RNF144A: variants seen among roughly 807,000 people sequenced by gnomAD.
The protein encoded by RNF144A is ring finger protein 144A, also known as E3 ubiquitin-protein ligase RNF144A.
Under a neutral mutation model 38.7 loss-of-function variants are expected in RNF144A, and 11 were observed. The ratio of observed to expected loss-of-function variants is 0.28; its 90% CI spans 0.18 to 0.47. RNF144A has a LOEUF of 0.47. Ranked by LOEUF, RNF144A falls within the 20% of genes least tolerant of loss-of-function variation. The pLI is 0.99. For missense variants in RNF144A, 316 were observed against 377.2 expected (o/e 0.84, Z 1.34); for synonymous variants, 149 against 143.9 (o/e 1.04, Z -0.25).
At chr2:7,030,402 A>G (rs1048762499) in intron 8 of RNF144A, among the ~76,000 whole-genome samples, 187 bp downstream of exon 8, 1 of 152,046 alleles carries the variant, frequency 6.6e-6, no homozygotes, top group Non-Finnish European at 1.5e-5. Context: ...TTTTGCTGGT[A>G]TAGGCTTATC....
rs71402824 is a variant in RNF144A at position 6,936,844 on chromosome 2, A to AGTGTGTGTATGT, written c.-211-4096_-211-4095insATGTGTGTGTGT. 1.2e-3 allele frequency among the ~76,000 whole-genome samples: 170 copies of AGTGTGTGTATGT among 144,200 alleles called. 2 individuals carry two copies. The highest frequency in any genetic ancestry group is 4.2e-3 in the African/African-American group (166 of 39,156). The allele number at this position is 144,200 out of a possible 152,430, so 94.6% of individuals were successfully genotyped here. ...CAGATTTTTTCAAGTCACACACAGT[A>AGTGTGTGTATGT]GTGTGTGTGTGTGTGTGTGTGTGTG... On this transcript the variant is annotated intron_variant, in intron 1 of 8. Transcript: ENST00000320892.
rs58324246 is a variant in RNF144A at position 7,030,257 on chromosome 2, C to CTGTGTGTG, written c.747+84_747+91dup. ...CTGGAAGGTTGATCTCAGAGAGAGA[C>CTGTGTGTG]TGTGTGTGTGTGTGTGTGTGTGTGT... On this transcript the variant is annotated intron_variant, in intron 8 of 8. Transcript: ENST00000320892. The CTGTGTGTG allele has an allele frequency of 4.5e-3, 3,293 of 724,534 alleles. 25 individuals are homozygous for CTGTGTGTG. Among genetic ancestry groups the CTGTGTGTG allele is most frequent in the Non-Finnish European group, 4.5e-3 (1,923 of 428,680 alleles). 44.9% of individuals were successfully genotyped at this position (724,534 alleles called of 1,614,324 possible).
At chr2:6,931,080 TCTGA>T (rs929110114) in intron 1 of RNF144A, among the ~76,000 whole-genome samples, 100 of 152,286 alleles carry the variant, frequency 6.6e-4, no homozygotes, top group African/African-American at 2.2e-3. Flanking sequence ...CACCTGCAGG[TCTGA>T]CTGAGTACTG....
At chr2:7,060,705 C>T (rs1180837986) in intron 6 of RNF144A, among the ~76,000 whole-genome samples, 1 of 152,206 alleles carries the variant, frequency 6.6e-6, no homozygotes, top group Non-Finnish European at 1.5e-5. Flanking sequence ...TTCCCTTACT[C>T]TCTTCTCACC....
Position 6,917,433 on chromosome 2 carries a change from G to GCCCGCGCAGCCGCTTCTC in RNF144A, c.-393_-376dup, listed in dbSNP as rs1664184288. 1 of 146,560 alleles carries GCCCGCGCAGCCGCTTCTC rather than the reference G, an allele frequency of 6.8e-6. No individual in the cohort carries two copies. The highest frequency in any genetic ancestry group is 6.8e-5 in the Admixed American group (1 of 14,776). 9.1% of individuals were successfully genotyped at this position (146,560 alleles called of 1,614,324 possible). ...CGGCCTCTGTGCGCGCTCGCGCCCCGCCCGCGCAGCCGCTTCTCCCCGCGC... is the reference window on the plus strand; with the variant it reads ...CGGCCTCTGTGCGCGCTCGCGCCCCGCCCGCGCAGCCGCTTCTCCCCGCGCAGCCGCTTCTCCCCGCGC... On this transcript the variant is annotated 5_prime_UTR_variant, in exon 1 of 9. Transcript: ENST00000320892. The surrounding 1 kb of genome is among the most constrained non-coding windows in gnomAD (Gnocchi z 4.8).
intron 3 of RNF144A, among the ~76,000 whole-genome samples, chr2:6,999,567 T>C (rs1288623034): frequency 6.6e-6 from 1 of 152,220 alleles, no homozygotes; most frequent in Non-Finnish European, 1.5e-5. Context: ...AGTCCGGGGC[T>C]AGAGGGAAAA....
In RNF144A at chr2:6,944,917, A is replaced by T. The variant is rs1666238287; in HGVS notation, c.-12+3770A>T. Among the ~76,000 whole-genome samples the T allele has an allele frequency of 6.6e-6, 1 of 152,268 alleles. No homozygotes were observed. Among genetic ancestry groups the T allele is most frequent in the South Asian group, 2.1e-4 (1 of 4,838 alleles). On this transcript the variant is annotated intron_variant, in intron 2 of 8. Coordinates refer to ENST00000320892, the MANE Select transcript of RNF144A (RefSeq NM_014746.6). This position sits in a 1 kb window ranked among gnomAD's most constrained non-coding sequence, Gnocchi z 4.7. ...TTTTAAATGTTTAGAATTTATAAAGAGAGGTGGTTTTCATGGACTATAAAG... is the reference window on the plus strand; with the variant it reads ...TTTTAAATGTTTAGAATTTATAAAGTGAGGTGGTTTTCATGGACTATAAAG...
chr2:6,955,068 G>A (rs950722275), intron 2 of RNF144A, among the ~76,000 whole-genome samples: 1 of 152,070 alleles, frequency 6.6e-6, no homozygotes, highest in Admixed American at 6.5e-5. Context: ...GTTTATTAGG[G>A]TGTCTGTAGA....
At chr2:6,928,288 C>A (rs1310954803) in intron 1 of RNF144A, among the ~76,000 whole-genome samples, 2 of 152,220 alleles carry the variant, frequency 1.3e-5, no homozygotes, top group Non-Finnish European at 2.9e-5. Flanking sequence ...TCAAAATCTA[C>A]CCTGACTTCC....
intron 2 of RNF144A, among the ~76,000 whole-genome samples, chr2:6,946,619 G>A (rs149848276): frequency 2.6e-5 from 4 of 152,222 alleles, no homozygotes; most frequent in South Asian, 4.1e-4. Context: ...AGGGCTGACC[G>A]ATTTGACAGT....
At chr2:6,990,572 A>AAC (rs70942685) in intron 2 of RNF144A, among the ~76,000 whole-genome samples, 9,227 of 83,820 alleles carry the variant, frequency 0.11, 400 homozygotes, top group South Asian at 0.17. Flanking sequence ...TACACACACA[A>AAC]ACACACACAC....
chr2:6,991,062 A>G (rs769519060), intron 2 of RNF144A, among the ~76,000 whole-genome samples: 1 of 152,156 alleles, frequency 6.6e-6, no homozygotes, highest in Non-Finnish European at 1.5e-5. Context: ...TGGATATACC[A>G]TAGTTTACCC....
At chr2:7,011,544 C>T (rs996222278) in intron 3 of RNF144A, among the ~76,000 whole-genome samples, 4 of 152,186 alleles carry the variant, frequency 2.6e-5, no homozygotes, top group African/African-American at 4.8e-5. Flanking sequence ...CATGGTAACA[C>T]GCCATATGAC....
intron 2 of RNF144A, among the ~76,000 whole-genome samples, chr2:6,975,280 A>C (rs1351636307): frequency 6.6e-6 from 1 of 152,130 alleles, no homozygotes; most frequent in Admixed American, 6.5e-5. Flanking sequence ...CCCATTCACT[A>C]TCACAAGAAC....
downstream of RNF144A, among the ~76,000 whole-genome samples, chr2:7,069,898 C>G (rs922686382): frequency 6.6e-6 from 1 of 152,204 alleles, no homozygotes; most frequent in African/African-American, 2.4e-5. Flanking sequence ...GCTTAACTTT[C>G]AATGTGTTGT....
At chr2:7,050,762 C>G (rs1673489091) in intron 6 of RNF144A, among the ~76,000 whole-genome samples, 1 of 152,240 alleles carries the variant, frequency 6.6e-6, no homozygotes, top group African/African-American at 2.4e-5. Flanking sequence ...TCTTGGCTCC[C>G]TCACTGGCCT....
intron 3 of RNF144A, among the ~76,000 whole-genome samples, chr2:6,997,330 T>G (rs1247160423): frequency 6.6e-6 from 1 of 152,214 alleles, no homozygotes. Context: ...ACGAAACTTA[T>G]CATAGCGCAT....
intron 5 of RNF144A, among the ~76,000 whole-genome samples, chr2:7,015,617 C>T (rs553332923): frequency 5.3e-4 from 80 of 152,278 alleles, no homozygotes; most frequent in African/African-American, 1.9e-3. Context: ...TGAAATACTC[C>T]GGGGTCATAC....
chr2:7,014,544 C>T lies in RNF144A; in HGVS notation c.226C>T (p.Leu76=). 1 of 1,601,960 alleles carries T rather than the reference C, an allele frequency of 6.2e-7. No individual in the cohort carries two copies. The highest frequency in any genetic ancestry group is 8.5e-7 in the Non-Finnish European group (1 of 1,174,432). ...PDAACPKQGH[L]QENEIECMVA... ...TGCTGCCTGCCCTAAACAGGGCCAC[C>T]TACAGGAGAACGAGGCATGTGCAAT... is the stretch of plus-strand genomic sequence containing the variant. Residue 76 remains leucine, a synonymous_variant, in exon 4 of 9, where the codon CTA becomes TTA. Transcript: ENST00000320892.
Sources: allele counts gnomAD v4.1 joint callset (sites outside exome capture counted in the v4.1 genomes callset), GRCh38; gene constraint gnomAD v4.1.1; non-coding constraint Gnocchi (gnomAD v3.1); transcripts MANE v1.5; gene names NCBI Gene and HGNC (gene_info 2026-07-23, HGNC 2026-07-21).